Variants in KTN1 observed in about 807,000 individuals in gnomAD.
The protein encoded by KTN1 is kinectin.
A neutral mutation model predicts 222.5 loss-of-function variants in KTN1; 130 were observed. That is an observed-to-expected ratio of 0.58 (90% CI 0.51 to 0.68). KTN1 has a LOEUF of 0.68. Among genes scored for constraint, KTN1 ranks in the 30% least tolerant of loss-of-function variants. The pLI is 0.00. For missense variants in KTN1, 1,508 were observed against 1,500.4 expected (o/e 1.01, Z -0.08); for synonymous variants, 512 against 496.3 (o/e 1.03, Z -0.42).
intron 35 of KTN1, chr14:55,671,183 T>C: frequency 4.1e-6 from 1 of 244,078 alleles, no homozygotes; most frequent in South Asian, 1.2e-4. Context: ...GAAACTGGAT[T>C]GGTTTTTATC....
intron 31 of KTN1, 138 bp from the exon 32 acceptor site, chr14:55,661,384 G>A (rs2044122085): frequency 1.8e-6 from 1 of 546,688 alleles, no homozygotes; most frequent in East Asian, 2.9e-5. Flanking sequence ...TCAACAGTAG[G>A]TAGACTCTTT....
intron 7 of KTN1, 100 bp downstream of exon 7, chr14:55,630,197 C>T: frequency 1.9e-6 from 2 of 1,039,248 alleles, no homozygotes; most frequent in Non-Finnish European, 2.9e-6. Context: ...CTTGGGCCAT[C>T]AACATACAGT....
intron 2 of KTN1, among the ~76,000 whole-genome samples, chr14:55,613,210 A>G (rs533387479): frequency 1.3e-5 from 2 of 152,290 alleles, no homozygotes; most frequent in African/African-American, 4.8e-5. Flanking sequence ...ATTTAGTGTA[A>G]TGGTCTAGAT....
At chr14:55,585,395 T>G (rs564419062) in intron 1 of KTN1, among the ~76,000 whole-genome samples, 1 of 152,334 alleles carries the variant, frequency 6.6e-6, no homozygotes, top group East Asian at 1.9e-4. Context: ...TCAAAATATA[T>G]GTGCACCTTA....
At chr14:55,618,212 T>G in intron 4 of KTN1, 78 bp downstream of exon 4, 1 of 1,083,278 alleles carries the variant, frequency 9.2e-7, no homozygotes, top group Non-Finnish European at 1.3e-6. Flanking sequence ...AGATTTCATT[T>G]TCTCATAGAA....
intron 22 of KTN1, 120 bp from the exon 23 acceptor site, chr14:55,650,208 A>T (rs1053257183): frequency 6.4e-5 from 45 of 706,354 alleles, no homozygotes; most frequent in Non-Finnish European, 1.0e-4. Flanking sequence ...ACATGTTGCT[A>T]TTTTATTTAA....
chr14:55,626,908 T>G (rs1301250332), intron 5 of KTN1, among the ~76,000 whole-genome samples: 1 of 152,100 alleles, frequency 6.6e-6, no homozygotes, highest in African/African-American at 2.4e-5. Context: ...TCCAAGAAAG[T>G]TCCTGCTTGC....
chr14:55,664,057 C>G lies in KTN1; in HGVS notation c.3177+16C>G. ...GACTTCCAAGGTTGTAATGCTAACT[C>G]CTAGAAACAATCCACTGAACAGAGA... On this transcript the variant is annotated intron_variant, in intron 33 of 43. Coordinates refer to ENST00000395314, the MANE Select transcript of KTN1 (RefSeq NM_001079521.2). 6.4e-7 allele frequency: 1 copy of G among 1,566,002 alleles called. No homozygotes were observed.
intron 2 of KTN1, 108 bp from the exon 3 acceptor site, chr14:55,616,409 C>T: frequency 2.0e-6 from 2 of 1,000,678 alleles, no homozygotes; most frequent in East Asian, 5.1e-5. Flanking sequence ...ATATGTCAGA[C>T]TTTAAATTTT....
At chr14:55,632,221 C>T (rs982275962) in intron 7 of KTN1, among the ~76,000 whole-genome samples, 4 of 152,160 alleles carry the variant, frequency 2.6e-5, no homozygotes, top group African/African-American at 9.7e-5. Flanking sequence ...GAAAATTAGG[C>T]AGATACTTGT....
At chr14:55,638,414 G>T (rs929957389) in intron 12 of KTN1, among the ~76,000 whole-genome samples, 1 of 151,870 alleles carries the variant, frequency 6.6e-6, no homozygotes, top group Non-Finnish European at 1.5e-5. Flanking sequence ...TGAATTTTGA[G>T]CTTCAGTTTT....
At chr14:55,667,952 G>A (rs535400246) in intron 34 of KTN1, 1 of 150,922 alleles carries the variant, frequency 6.6e-6, no homozygotes, top group Non-Finnish European at 1.5e-5. Flanking sequence ...ACAGTAGAGA[G>A]ACGAGCATAA....
chr14:55,592,450 C>G (rs1300297459), intron 1 of KTN1, among the ~76,000 whole-genome samples: 1 of 152,164 alleles, frequency 6.6e-6, no homozygotes, highest in Non-Finnish European at 1.5e-5. Context: ...GCAGTTGACC[C>G]TTGAACAACA....
chr14:55,583,344 T>C (rs1220063130), intron 1 of KTN1, among the ~76,000 whole-genome samples: 1 of 152,224 alleles, frequency 6.6e-6, no homozygotes, highest in Non-Finnish European at 1.5e-5. Flanking sequence ...AGATATACTT[T>C]TAATTCTAAC....
At chr14:55,597,691 T>C (rs985918664) in intron 1 of KTN1, among the ~76,000 whole-genome samples, 1 of 151,834 alleles carries the variant, frequency 6.6e-6, no homozygotes, top group Non-Finnish European at 1.5e-5. Flanking sequence ...CCATCTCTAC[T>C]AAAAATACAA....
intron 18 of KTN1, chr14:55,644,564 T>C (rs2042113742): frequency 6.6e-6 from 2 of 303,342 alleles, no homozygotes; most frequent in East Asian, 1.0e-4. Flanking sequence ...ATAAGACTTT[T>C]TTTTTTTTTT....
At chr14:55,650,996 T>G (rs1436221794) in intron 24 of KTN1, among the ~76,000 whole-genome samples, 2 of 152,098 alleles carry the variant, frequency 1.3e-5, no homozygotes, top group African/African-American at 4.8e-5. Flanking sequence ...CATTGCTCTA[T>G]CTCTGCCTTA....
At chr14:55,672,405 T>G (rs1373706892) in intron 37 of KTN1, 1 of 402,422 alleles carries the variant, frequency 2.5e-6, no homozygotes. Flanking sequence ...AATAAAAAAT[T>G]AATCACTTTT....
In KTN1 at chr14:55,616,523, A is replaced by G. The variant is rs2038415564; in HGVS notation, c.530A>G (p.Gln177Arg). 6 of 1,575,990 alleles carry G rather than the reference A, an allele frequency of 3.8e-6. No homozygotes were observed. The highest frequency in any genetic ancestry group is 5.1e-6 in the Non-Finnish European group (6 of 1,169,698). Residue 177 changes from glutamine (Q) to arginine (R), a missense_variant, in exon 3 of 44, where the codon CAG becomes CGG. By Grantham distance (43) the Gln-to-Arg change is conservative. Coordinates refer to ENST00000395314, the MANE Select transcript of KTN1 (RefSeq NM_001079521.2). ...QKKSKNGSDDQDKKVETLMVP... is the reference protein window; with the variant it reads ...QKKSKNGSDDRDKKVETLMVP... ...TTGTTTGTGTTTAATAAAGATGACC[A>G]GGATAAAAAGGTGGAAACTCTCATG...
Sources: gnomAD v4.1 joint callset for allele counts (sites outside exome capture counted in the v4.1 genomes callset) on GRCh38, gnomAD v4.1.1 for gene constraint, MANE v1.5 for transcripts, NCBI Gene and HGNC (gene_info 2026-07-23, HGNC 2026-07-21) for gene names.